TMED3: variants seen among roughly 807,000 people sequenced by gnomAD.
TMED3 encodes transmembrane p24 trafficking protein 3, also known as transmembrane emp24 domain-containing protein 3.
In TMED3, 9 loss-of-function variants were observed where a neutral mutation model predicts 15.0. That is an observed-to-expected ratio of 0.60 (90% CI 0.36 to 1.04). TMED3 has a LOEUF of 1.04. TMED3 is among the 50% of genes least tolerant of loss of function. The pLI is 0.01. For synonymous variants in TMED3, 117 were observed against 121.4 expected (o/e 0.96, Z 0.24); for missense variants, 267 against 278.9 (o/e 0.96, Z 0.30).
chr15:79,398,219 T>C (rs1893787282), intron 2 of TMED3, among the ~76,000 whole-genome samples: 1 of 152,172 alleles, frequency 6.6e-6, no homozygotes, highest in Non-Finnish European at 1.5e-5. Context: ...CAGAATGCCA[T>C]GTAGTTGGAA....
chr15:79,389,163 C>A (rs1214189785), intron 2 of TMED3, among the ~76,000 whole-genome samples: 1 of 152,140 alleles, frequency 6.6e-6, no homozygotes, highest in Non-Finnish European at 1.5e-5. Flanking sequence ...AAATCCTTGC[C>A]TAAGCCAATG....
chr15:79,349,216 C>T (rs112119156), intron 2 of TMED3, among the ~76,000 whole-genome samples: 20 of 152,228 alleles, frequency 1.3e-4, no homozygotes, highest in East Asian at 7.7e-4. Context: ...TGTGTCCTCA[C>T]GACAAAAATG....
At chr15:79,339,975 CCA>C (rs1336512857) in intron 2 of TMED3, among the ~76,000 whole-genome samples, 4 of 151,824 alleles carry the variant, frequency 2.6e-5, no homozygotes, top group Middle Eastern at 3.4e-3. Flanking sequence ...CTGAGCCACA[CCA>C]CACACACACT....
At position 79,311,459 on chromosome 15, in the gene TMED3, C is replaced by G. The variant is rs1201003656; in HGVS notation, c.168+42C>G. ...GGCAGCGCTCCCTTCTCCCTCCACT[C>G]CCAGGTCTCACCTGGACACTGGCTA... On this transcript the variant is annotated intron_variant, in intron 1 of 2. Coordinates refer to ENST00000299705, the MANE Select transcript of TMED3 (RefSeq NM_007364.4). 3 of 1,575,090 alleles carry G rather than the reference C, an allele frequency of 1.9e-6. No individual in the cohort carries two copies. In the South Asian group the frequency reaches 3.5e-5, roughly 19 times the overall value.
At chr15:79,390,797 T>C (rs554726639) in intron 2 of TMED3, among the ~76,000 whole-genome samples, 8 of 152,256 alleles carry the variant, frequency 5.3e-5, no homozygotes, top group Non-Finnish European at 1.2e-4. Context: ...TATTTCTTCC[T>C]AATTTAAATT....
At chr15:79,354,378 G>T (rs1017421249) in intron 2 of TMED3, among the ~76,000 whole-genome samples, 1 of 152,062 alleles carries the variant, frequency 6.6e-6, no homozygotes, top group Non-Finnish European at 1.5e-5. Flanking sequence ...GACAGATCCT[G>T]GGGGAAGTTT....
chr15:79,407,517 T>G (rs1472909775), intron 2 of TMED3, among the ~76,000 whole-genome samples: 2 of 152,152 alleles, frequency 1.3e-5, no homozygotes, highest in South Asian at 2.1e-4. Context: ...CTGGAGGCAA[T>G]GAGGGAAGAC....
At chr15:79,376,092 G>GTTTTTTTTTTTTTTTTTTTTTT (rs199728545) in intron 2 of TMED3, among the ~76,000 whole-genome samples, 1 of 112,062 alleles carries the variant, frequency 8.9e-6, no homozygotes, top group African/African-American at 3.6e-5. Context: ...CTAGAGAAAG[G>GTTTTTTTTTTTTTTTTTTTTTT]TTTTTTTTTT....
intron 2 of TMED3, among the ~76,000 whole-genome samples, chr15:79,321,456 G>A (rs1365363603): frequency 6.6e-6 from 1 of 152,222 alleles, no homozygotes; most frequent in African/African-American, 2.4e-5. Context: ...GTGTCTTCAT[G>A]TGTTTGTGTT....
At chr15:79,341,873 G>A (rs949912720) in intron 2 of TMED3, among the ~76,000 whole-genome samples, 1 of 152,152 alleles carries the variant, frequency 6.6e-6, no homozygotes, top group Non-Finnish European at 1.5e-5. Flanking sequence ...CGCTTACTGG[G>A]TAGAGTCCAG....
At chr15:79,325,310 G>C (rs1266569065), downstream of TMED3, among the ~76,000 whole-genome samples, 1 of 152,144 alleles carries the variant, frequency 6.6e-6, no homozygotes, top group Admixed American at 6.5e-5. Flanking sequence ...GTTGGTTTGT[G>C]GTGCTGATTC....
chr15:79,381,982 C>T (rs1893545247), intron 2 of TMED3, among the ~76,000 whole-genome samples: 1 of 152,150 alleles, frequency 6.6e-6, no homozygotes, highest in African/African-American at 2.4e-5. Flanking sequence ...TTTTGGGGCC[C>T]CAGTTTCCCC....
rs1012414811 is a variant in TMED3 at position 79,405,600 on chromosome 15, C to T, written c.418-5800C>T. On this transcript the variant is annotated intron_variant, in intron 2 of 2. Coordinates refer to the TMED3 transcript ENST00000424155. ...TACAGGGAATAACCTGGCAAGTCTC[C>T]GACCACTGAATGCCTGGAAGCATCA... 5.9e-5 allele frequency among the ~76,000 whole-genome samples: 9 copies of T among 152,198 alleles called. No homozygotes were observed. The South Asian group carries it at 6.2e-4, about 10-fold the overall frequency.
intron 2 of TMED3, among the ~76,000 whole-genome samples, chr15:79,380,151 G>C (rs2141248945): frequency 6.6e-6 from 1 of 152,146 alleles, no homozygotes; most frequent in South Asian, 2.1e-4. Context: ...AGGAGTTCGA[G>C]ACCAGCCTGA....
chr15:79,332,608 G>A (rs946381412), intron 2 of TMED3, among the ~76,000 whole-genome samples: 4 of 152,200 alleles, frequency 2.6e-5, no homozygotes, highest in African/African-American at 9.7e-5. Context: ...CCAGTATGCT[G>A]GGGCAAGGCG....
At chr15:79,404,719 A>G (rs1301011481) in intron 2 of TMED3, among the ~76,000 whole-genome samples, 3 of 152,118 alleles carry the variant, frequency 2.0e-5, no homozygotes, top group African/African-American at 4.8e-5. Context: ...GTGTGGTTTT[A>G]CTTCATCCCA....
At chr15:79,346,730 G>A (rs2058872779) in intron 2 of TMED3, among the ~76,000 whole-genome samples, 1 of 152,092 alleles carries the variant, frequency 6.6e-6, no homozygotes, top group Non-Finnish European at 1.5e-5. Context: ...TCAATCTCCT[G>A]CCTATGGCTA....
chr15:79,366,255 A>G (rs531055011), intron 2 of TMED3, among the ~76,000 whole-genome samples: 3 of 152,304 alleles, frequency 2.0e-5, no homozygotes, highest in Admixed American at 2.0e-4. Flanking sequence ...CCCAAGAACT[A>G]TCCTATAAAA....
chr15:79,315,663 G>T (rs2058737476), intron 2 of TMED3, among the ~76,000 whole-genome samples: 1 of 152,192 alleles, frequency 6.6e-6, no homozygotes, highest in African/African-American at 2.4e-5. Context: ...AGTGATTTAT[G>T]CTTCCCTTTT....
Sources: allele counts gnomAD v4.1 joint callset (sites outside exome capture counted in the v4.1 genomes callset), GRCh38; gene constraint gnomAD v4.1.1; transcripts MANE v1.5; gene names NCBI Gene and HGNC (gene_info 2026-07-23, HGNC 2026-07-21).